SMARCA5: variants seen among roughly 807,000 people sequenced by gnomAD.
SMARCA5 encodes the protein SWI/SNF-related matrix-associated actin-dependent regulator of chromatin subfamily A member 5.
SMARCA5 carries 18 observed loss-of-function variants against 140.4 expected under a neutral mutation model. That is an observed-to-expected ratio of 0.13 (90% CI 0.09 to 0.19). The LOEUF (loss-of-function observed/expected upper bound fraction) is 0.19, where lower values mean the gene tolerates loss of function less well. Ranked by LOEUF, SMARCA5 falls within the 10% of genes least tolerant of loss-of-function variation. SMARCA5 has a pLI of 1.00. For synonymous variants in SMARCA5, 449 were observed against 419.6 expected, an observed-to-expected ratio of 1.07 and a Z score of -0.86; for missense variants, 606 against 1,276.8, an observed-to-expected ratio of 0.47 and a Z score of 8.01.
chr4:143,543,778 A>G, intron 15 of SMARCA5, 75 bp from the exon 16 acceptor site: 1 of 1,535,326 alleles, frequency 6.5e-7, no homozygotes, highest in African/African-American at 1.4e-5. Flanking sequence ...GTGTACGTGA[A>G]GTTAATTTAT....
intron 8 of SMARCA5, among the ~76,000 whole-genome samples, chr4:143,529,999 A>C (rs1184923887): frequency 6.6e-6 from 1 of 152,170 alleles, no homozygotes; most frequent in African/African-American, 2.4e-5. Context: ...CCCTTGTTGA[A>C]ATCGTAACCA....
At chr4:143,524,581 A>G in intron 4 of SMARCA5, 114 bp downstream of exon 4, 1 of 635,182 alleles carries the variant, frequency 1.6e-6, no homozygotes, top group Non-Finnish European at 2.8e-6. Flanking sequence ...GTAGTCTTAG[A>G]TGTTTATTGG....
chr4:143,534,238 T>C (rs1463506973), intron 9 of SMARCA5, among the ~76,000 whole-genome samples: 1 of 152,192 alleles, frequency 6.6e-6, no homozygotes. Context: ...TGACTTGCTT[T>C]ATTGAGGTAG....
In SMARCA5 at chr4:143,553,156, G is replaced by A. The variant is rs746068709; in HGVS notation, c.3131G>A (p.Arg1044Gln). 2 of 1,612,490 alleles carry A rather than the reference G, an allele frequency of 1.2e-6. No individual in the cohort carries two copies. Among genetic ancestry groups the A allele is most frequent in the South Asian group, 2.2e-5 (2 of 91,042 alleles). ...KRKMDGAPDG[R>Q]GRKKKLKL ...AAAATGGATGGCGCACCTGATGGTC[G>A]AGGAAGAAAAAAGAAGCTGAAACTA... is the stretch of plus-strand genomic sequence containing the variant. Residue 1044 changes from arginine (R) to glutamine (Q), a missense_variant, in exon 24 of 24, where the codon CGA becomes CAA. Physicochemically the swap from Arg to Gln is conservative, Grantham distance 43. Transcript: ENST00000283131.
At chr4:143,543,276 A>G (rs1394670395) in intron 14 of SMARCA5, among the ~76,000 whole-genome samples, 1 of 152,210 alleles carries the variant, frequency 6.6e-6, no homozygotes, top group Non-Finnish European at 1.5e-5. Context: ...AGTATACAGC[A>G]GGTTTCATTA....
At chr4:143,533,245 G>C (rs1315850163) in intron 9 of SMARCA5, among the ~76,000 whole-genome samples, 2 of 152,094 alleles carry the variant, frequency 1.3e-5, no homozygotes, top group African/African-American at 4.8e-5. Context: ...TTAATTTATG[G>C]TGTCTAAAAA....
chr4:143,547,848 C>A, intron 21 of SMARCA5, 80 bp from the exon 22 acceptor site: 1 of 805,070 alleles, frequency 1.2e-6, no homozygotes, highest in Non-Finnish European at 1.9e-6. Flanking sequence ...AACATTTTAG[C>A]TAATTATACT....
At position 143,513,862 on chromosome 4, in the gene SMARCA5, C is replaced by G; in HGVS notation, c.-63C>G. 6.6e-7 allele frequency: 1 copy of G among 1,508,766 alleles called. No homozygotes were observed. The highest frequency in any genetic ancestry group is 1.2e-5 in the South Asian group (1 of 81,736). 93.5% of individuals were successfully genotyped at this position (1,508,766 alleles called of 1,614,324 possible). On this transcript the variant is annotated 5_prime_UTR_variant, in exon 1 of 24. Coordinates refer to ENST00000283131, the MANE Select transcript of SMARCA5 (RefSeq NM_003601.4). ...TGCGACGTAGCATCCAGGCCTAGGCCTCCCCGTCCATCCCCGCCGGACTCG... is the reference window on the plus strand; with the variant it reads ...TGCGACGTAGCATCCAGGCCTAGGCGTCCCCGTCCATCCCCGCCGGACTCG...
At chr4:143,540,926 C>CT (rs1737414369) in intron 14 of SMARCA5, among the ~76,000 whole-genome samples, 1 of 152,112 alleles carries the variant, frequency 6.6e-6, no homozygotes, top group South Asian at 2.1e-4. Context: ...TGATTTTATT[C>CT]TTTTTTCTTG....
chr4:143,547,294 T>C, intron 20 of SMARCA5, 91 bp from the exon 21 acceptor site: 2 of 694,540 alleles, frequency 2.9e-6, no homozygotes, highest in Non-Finnish European at 5.0e-6. Flanking sequence ...AATTTAAGAA[T>C]TAGAAGATAA....
intron 21 of SMARCA5, among the ~76,000 whole-genome samples, chr4:143,547,722 A>G (rs1178649465): frequency 6.6e-6 from 1 of 152,102 alleles, no homozygotes; most frequent in African/African-American, 2.4e-5. Flanking sequence ...AAGTAGAATC[A>G]GGAAGTCTTA....
intron 9 of SMARCA5, among the ~76,000 whole-genome samples, chr4:143,534,245 G>A (rs1222635510): frequency 6.6e-6 from 1 of 151,956 alleles, no homozygotes; most frequent in Non-Finnish European, 1.5e-5. Context: ...CTTTATTGAG[G>A]TAGTCTGGAA....
rs760029153 is a variant in SMARCA5, at chr4:143,516,501, G to A, written c.178-854G>A. Among the ~76,000 whole-genome samples, 28 of 152,198 alleles carry A rather than the reference G, an allele frequency of 1.8e-4. No homozygotes were observed. In the Middle Eastern group the frequency reaches 0.014, roughly 74 times the overall value. On this transcript the variant is annotated intron_variant, in intron 1 of 23. Coordinates refer to ENST00000283131, the MANE Select transcript of SMARCA5 (RefSeq NM_003601.4). ...GGAATTTTGTAAACTGGACTGGGTA[G>A]GTGGCTTTGTCACTTACATATGTAG... is the stretch of plus-strand genomic sequence containing the variant.
rs1737702989 is a variant in SMARCA5, at chr4:143,554,137, A to T, written c.*953A>T. The stretch of plus-strand genomic sequence containing the variant: ...TAGTTTCTAAGTGTTAGCAAGACTG[A>T]CTATAATTCCAGTTTCTGTTTTCTA... On this transcript the variant is annotated 3_prime_UTR_variant, in exon 24 of 24. Coordinates refer to ENST00000283131, the MANE Select transcript of SMARCA5 (RefSeq NM_003601.4). 1 of 152,138 alleles carries T rather than the reference A, an allele frequency of 6.6e-6. No homozygotes were observed. Among genetic ancestry groups the T allele is most frequent in the Admixed American group, 6.5e-5 (1 of 15,280 alleles). 9.4% of individuals were successfully genotyped at this position (152,138 alleles called of 1,614,324 possible).
chr4:143,521,386 A>G (rs753395915), intron 2 of SMARCA5, 43 bp from the exon 3 acceptor site: 2 of 1,453,840 alleles, frequency 1.4e-6, no homozygotes, highest in Non-Finnish European at 1.9e-6. Context: ...TGAAGTTTTA[A>G]TTGATACTCT....
chr4:143,533,443 T>A (rs2149820967), intron 9 of SMARCA5, among the ~76,000 whole-genome samples: 1 of 151,998 alleles, frequency 6.6e-6, no homozygotes, highest in Admixed American at 6.6e-5. Flanking sequence ...CCTAAGTTAG[T>A]ACATTAAGTT....
intron 22 of SMARCA5, among the ~76,000 whole-genome samples, chr4:143,548,380 A>G (rs148560628): frequency 1.7e-4 from 26 of 152,190 alleles, no homozygotes; most frequent in Middle Eastern, 3.4e-3. Flanking sequence ...AGTGGGAGGA[A>G]GTATCAGTTT....
chr4:143,514,156 C>T, intron 1 of SMARCA5, 55 bp downstream of exon 1: 1 of 1,436,856 alleles, frequency 7.0e-7, no homozygotes, highest in Non-Finnish European at 9.2e-7. Context: ...GGAGCTGGCT[C>T]CCTCGCCGGA....
In SMARCA5 at chr4:143,548,308, ATCCTT is replaced by A. The variant is rs1737571373; in HGVS notation, c.2985+170_2985+174del. 8.6e-6 allele frequency: 4 copies of A among 462,450 alleles called. No homozygotes were observed. The South Asian group carries it at 2.2e-4, about 25-fold the overall frequency. 28.6% of individuals were successfully genotyped at this position (462,450 alleles called of 1,614,324 possible). On this transcript the variant is annotated intron_variant, in intron 22 of 23. Transcript: ENST00000283131. ...GATAGCTTACAAGTTTATTGGTCCTATCCTTTAGTATCTTACGTCTTTAAATATCA... is the reference window on the plus strand; with the variant it reads ...GATAGCTTACAAGTTTATTGGTCCTATAGTATCTTACGTCTTTAAATATCA...
Sources: gnomAD v4.1 joint callset for allele counts (sites outside exome capture counted in the v4.1 genomes callset) on GRCh38, gnomAD v4.1.1 for gene constraint, MANE v1.5 for transcripts, NCBI Gene and HGNC (gene_info 2026-07-23, HGNC 2026-07-21) for gene names.